Variants in SMAD9 observed in about 807,000 individuals in gnomAD.
SMAD9 encodes the protein MAD homolog 9.
SMAD9 carries 36 observed loss-of-function variants against 46.1 expected under a neutral mutation model. The ratio of observed to expected loss-of-function variants is 0.78; its 90% confidence interval spans 0.60 to 1.03. The LOEUF (loss-of-function observed/expected upper bound fraction) is 1.03. SMAD9 is among the 50% of genes least tolerant of loss of function. The pLI, the probability that SMAD9 is intolerant of heterozygous loss-of-function variation, is 0.00. For synonymous variants in SMAD9, 245 were observed against 237.1 expected (o/e 1.03, Z -0.31); for missense variants, 572 against 599.8 (o/e 0.95, Z 0.48).
Position 36,853,515 on chromosome 13 carries a change from C to T in SMAD9, c.1164G>A (p.Gln388=). ...ACTGGGCCAGGAGCTGAGCGAAGAG[C>T]TGGTTGTTGAAGACCTTGAGGCTGC... is the stretch of plus-strand genomic sequence containing the variant. ...SGCSLKVFNN[Q]LFAQLLAQSV... is the part of the protein sequence containing the mutation. Residue 388 remains glutamine (Q), a synonymous_variant, in exon 6 of 7, where the codon CAG becomes CAA. Transcript: ENST00000379826. The T allele has an allele frequency of 6.2e-7, 1 of 1,614,188 alleles. No homozygotes were observed. Among genetic ancestry groups the T allele is most frequent in the Non-Finnish European group, 8.5e-7 (1 of 1,180,046 alleles).
chr13:36,891,471 A>G (rs2058488640), intron 1 of SMAD9, among the ~76,000 whole-genome samples: 1 of 152,172 alleles, frequency 6.6e-6, no homozygotes, highest in African/African-American at 2.4e-5. Flanking sequence ...TGGCCTTACT[A>G]AATGGTTTAC....
At chr13:36,871,538 A>AAAAAAT (rs1566021861) in intron 3 of SMAD9, among the ~76,000 whole-genome samples, 2 of 152,146 alleles carry the variant, frequency 1.3e-5, no homozygotes, top group African/African-American at 4.8e-5. Flanking sequence ...ATAAAAAATA[A>AAAAAAT]AAATAAATAA....
intron 6 of SMAD9, chr13:36,852,612 GT>G: frequency 2.1e-6 from 2 of 970,230 alleles, no homozygotes; most frequent in Non-Finnish European, 2.5e-6. Flanking sequence ...ATTCCAAATT[GT>G]TTATACCTTT....
At chr13:36,904,864 G>C (rs530083888) in intron 1 of SMAD9, among the ~76,000 whole-genome samples, 1 of 152,342 alleles carries the variant, frequency 6.6e-6, no homozygotes, top group African/African-American at 2.4e-5. Flanking sequence ...TATGTTAAAT[G>C]ACCATAGCAT....
intron 1 of SMAD9, among the ~76,000 whole-genome samples, chr13:36,906,005 C>T (rs2058617596): frequency 6.6e-6 from 1 of 152,070 alleles, no homozygotes; most frequent in African/African-American, 2.4e-5. Context: ...TGCTTTACAA[C>T]TCTTAAATCA....
chr13:36,879,207 A>C, intron 2 of SMAD9, 71 bp downstream of exon 2: 1 of 1,311,760 alleles, frequency 7.6e-7, no homozygotes, highest in African/African-American at 1.5e-5. Flanking sequence ...CTGGTGCCCC[A>C]TCATTCTCCA....
chr13:36,907,427 G>A (rs2058628217), intron 1 of SMAD9, among the ~76,000 whole-genome samples: 1 of 152,216 alleles, frequency 6.6e-6, no homozygotes, highest in Admixed American at 6.5e-5. Flanking sequence ...CCAGGGCTTT[G>A]GGAGGCCAGG....
At chr13:36,852,243 G>C (rs2058080550) in intron 6 of SMAD9, 1 of 912,652 alleles carries the variant, frequency 1.1e-6, no homozygotes. Flanking sequence ...ATTTGTCATG[G>C]TAATTTTAAA....
At chr13:36,917,694 C>G (rs748730196) in intron 1 of SMAD9, among the ~76,000 whole-genome samples, 1 of 152,258 alleles carries the variant, frequency 6.6e-6, no homozygotes, top group Non-Finnish European at 1.5e-5. Flanking sequence ...TCCCTAAAAT[C>G]AGAGTACATC....
intron 2 of SMAD9, among the ~76,000 whole-genome samples, chr13:36,875,467 C>T: frequency 6.6e-6 from 1 of 152,106 alleles, no homozygotes. Context: ...CGTATGCTGC[C>T]TTATGACACC....
Position 36,847,036 on chromosome 13 carries a change from C to T in SMAD9, c.*1640G>A, listed in dbSNP as rs1213160995. On this transcript the variant is annotated 3_prime_UTR_variant, in exon 7 of 7. Coordinates refer to ENST00000379826, the MANE Select transcript of SMAD9 (RefSeq NM_001127217.3). ...CAGATTTTTCTATACACTACATGGG[C>T]CATATATTACATTTTTCAATGTAAA... 2.0e-5 allele frequency: 3 copies of T among 152,068 alleles called. No homozygotes were observed. Among genetic ancestry groups the T allele is most frequent in the Non-Finnish European group, 4.4e-5 (3 of 67,996 alleles). 9.4% of individuals were successfully genotyped at this position (152,068 alleles called of 1,614,324 possible). A position where few individuals can be genotyped will look rare whatever the true frequency, so the allele number is the denominator to read the frequency against.
At chr13:36,848,937 G>C in intron 6 of SMAD9, 118 bp from the exon 7 acceptor site, 1 of 926,312 alleles carries the variant, frequency 1.1e-6, no homozygotes, top group Non-Finnish European at 1.7e-6. Flanking sequence ...TGAGACCTGA[G>C]AGGGAGAGAA....
intron 5 of SMAD9, among the ~76,000 whole-genome samples, chr13:36,856,863 C>T (rs1425388069): frequency 1.4e-5 from 2 of 139,618 alleles, no homozygotes; most frequent in African/African-American, 2.8e-5. Context: ...GATGGGGTGG[C>T]GCGATCTCGG....
rs759060670 is a variant in SMAD9 at position 36,846,954 on chromosome 13, T to C, written c.*1722A>G. On this transcript the variant is annotated 3_prime_UTR_variant, in exon 7 of 7. Coordinates refer to ENST00000379826, the MANE Select transcript of SMAD9 (RefSeq NM_001127217.3). ...ACATTTGATTCTACAGTACCTAACATTGTACCTGACACCCATAGGTAGGTG... is the reference window on the plus strand; with the variant it reads ...ACATTTGATTCTACAGTACCTAACACTGTACCTGACACCCATAGGTAGGTG... 3 of 152,226 alleles carry C rather than the reference T, an allele frequency of 2.0e-5. No individual in the cohort carries two copies. Among genetic ancestry groups the C allele is most frequent in the Non-Finnish European group, 2.9e-5 (2 of 68,052 alleles). 9.4% of individuals were successfully genotyped at this position (152,226 alleles called of 1,614,324 possible).
intron 5 of SMAD9, among the ~76,000 whole-genome samples, chr13:36,861,740 C>T (rs1201896650): frequency 6.6e-6 from 1 of 151,732 alleles, no homozygotes; most frequent in East Asian, 2.0e-4. Context: ...ACCAGCCTGG[C>T]CAACATGAAG....
rs533291463 is a variant in SMAD9 at position 36,888,706 on chromosome 13, T to C, written c.-186-8831A>G. ...GCTCTCAAGTGGGAAAAAACAACAC[T>C]CCTAAATATGTTTTGTGATGTGCAT... On this transcript the variant is annotated intron_variant, in intron 1 of 6. Transcript: ENST00000379826. Among the ~76,000 whole-genome samples, 3 of 152,164 alleles carry C rather than the reference T, an allele frequency of 2.0e-5. No individual in the cohort carries two copies. In the South Asian group the frequency reaches 6.2e-4, roughly 32 times the overall value.
intron 2 of SMAD9, among the ~76,000 whole-genome samples, chr13:36,878,411 T>C (rs1159353594): frequency 6.6e-6 from 1 of 152,188 alleles, no homozygotes; most frequent in Non-Finnish European, 1.5e-5. Context: ...CTGTGCAGGT[T>C]AGTAGCCTAG....
At chr13:36,855,251 C>CAAAAAAAA (rs1198605048) in intron 5 of SMAD9, among the ~76,000 whole-genome samples, 12 of 45,936 alleles carry the variant, frequency 2.6e-4, no homozygotes, top group African/African-American at 4.3e-4. Context: ...GAGTCCATCT[C>CAAAAAAAA]AAAAAAAAAA....
chr13:36,890,703 C>T (rs2058482526), intron 1 of SMAD9, among the ~76,000 whole-genome samples: 1 of 152,042 alleles, frequency 6.6e-6, no homozygotes, highest in Non-Finnish European at 1.5e-5. Context: ...TCTGGATGCC[C>T]TTTTTAAACT....
Sources: allele counts gnomAD v4.1 joint callset (sites outside exome capture counted in the v4.1 genomes callset), GRCh38; gene constraint gnomAD v4.1.1; transcripts MANE v1.5; gene names NCBI Gene and HGNC (gene_info 2026-07-23, HGNC 2026-07-21).